Variants in NR3C1 observed in about 807,000 individuals in gnomAD.
The protein encoded by NR3C1 is glucocorticoid receptor.
Under a neutral mutation model 74.0 loss-of-function variants are expected in NR3C1, and 14 were observed. That is an observed-to-expected ratio of 0.19 (90% CI 0.12 to 0.30). The LOEUF (loss-of-function observed/expected upper bound fraction) is 0.30, where lower values mean the gene tolerates loss of function less well. Among genes scored for constraint, NR3C1 ranks in the 10% least tolerant of loss-of-function variants. The pLI is 1.00. For missense variants in NR3C1, 695 were observed against 909.8 expected, an observed-to-expected ratio of 0.76 and a Z score of 3.04; for synonymous variants, 308 against 332.5, an observed-to-expected ratio of 0.93 and a Z score of 0.80.
intron 1 of NR3C1, among the ~76,000 whole-genome samples, chr5:143,420,823 C>T (rs1751192209): frequency 6.6e-6 from 1 of 152,086 alleles, no homozygotes; most frequent in African/African-American, 2.4e-5. Context: ...ACGGTAAAAC[C>T]ATGTTTCTTA....
In NR3C1 at chr5:143,281,055, T is replaced by C. The variant is rs1385246477; in HGVS notation, c.*834A>G. The C allele has an allele frequency of 1.3e-5, 2 of 151,874 alleles. No individual in the cohort carries two copies. The highest frequency in any genetic ancestry group is 2.9e-5 in the Non-Finnish European group (2 of 68,002). 9.4% of individuals were successfully genotyped at this position (151,874 alleles called of 1,614,324 possible). A position where few individuals can be genotyped will look rare whatever the true frequency, so the allele number is the denominator to read the frequency against. On this transcript the variant is annotated 3_prime_UTR_variant, in exon 9 of 9. Transcript: ENST00000394464. The stretch of plus-strand genomic sequence containing the variant: ...ACTGGACTAGGTGCTCTATACCAGT[T>C]AGGACTGTTAATTTGCACAACCTAT...
At chr5:143,373,649 C>T (rs1397848216) in intron 2 of NR3C1, among the ~76,000 whole-genome samples, 1 of 151,432 alleles carries the variant, frequency 6.6e-6, no homozygotes, top group East Asian at 1.9e-4. Context: ...GATTCCACAA[C>T]ATAAAGTTAA....
Position 143,402,523 on chromosome 5 carries a change from A to G in NR3C1, c.-14+688T>C, listed in dbSNP as rs1447350444. ...AACCTCAGGCGCGAATTAACAACAAACGCTAAAGAGCAAGCCCTTGCGGGG... is the reference window on the plus strand; with the variant it reads ...AACCTCAGGCGCGAATTAACAACAAGCGCTAAAGAGCAAGCCCTTGCGGGG... On this transcript the variant is annotated intron_variant, in intron 1 of 8. Coordinates refer to ENST00000394464, the MANE Select transcript of NR3C1 (RefSeq NM_000176.3). The G allele has an allele frequency of 3.3e-6, 3 of 912,146 alleles. No individual in the cohort carries two copies. The African/African-American group carries it at 5.4e-5, about 16-fold the overall frequency. 56.5% of individuals were successfully genotyped at this position (912,146 alleles called of 1,614,324 possible).
Position 143,321,106 on chromosome 5 carries a change from T to C in NR3C1, c.1185-6938A>G, listed in dbSNP as rs145455980. Among the ~76,000 whole-genome samples the C allele has an allele frequency of 1.8e-3, 273 of 152,286 alleles. 5 individuals are homozygous for C. The highest frequency in any genetic ancestry group is 7.7e-4 in the East Asian group (4 of 5,190). On this transcript the variant is annotated intron_variant, in intron 2 of 8. Transcript: ENST00000394464. ...CACACATAAGAGCATACAAGGATAA[T>C]AGATGGTTCATAATTCAGAATTAGG... is the stretch of plus-strand genomic sequence containing the variant.
intron 1 of NR3C1, among the ~76,000 whole-genome samples, chr5:143,423,007 C>T (rs550738976): frequency 1.6e-4 from 25 of 152,222 alleles, no homozygotes; most frequent in Non-Finnish European, 2.9e-4. Context: ...TGCAGGCCTT[C>T]GATTTAGGTT....
At position 143,416,121 on chromosome 5, in the gene NR3C1, C is replaced by T. The variant is rs116760049; in HGVS notation, c.-13-15269G>A. Among the ~76,000 whole-genome samples, 1,195 of 152,288 alleles carry T rather than the reference C, an allele frequency of 7.8e-3. 12 individuals are homozygous for T. Among genetic ancestry groups the T allele is most frequent in the African/African-American group, 0.027 (1,135 of 41,548 alleles). ...ATCCTACCAGGGACCCTGATCTGCC[C>T]TGTTGTGGCCACATGGTAGATAGGT... On this transcript the variant is annotated intron_variant, in intron 1 of 8. Transcript: ENST00000343796.
intron 7 of NR3C1, among the ~76,000 whole-genome samples, chr5:143,290,240 T>C (rs1815539131): frequency 6.6e-6 from 1 of 152,254 alleles, no homozygotes; most frequent in Non-Finnish European, 1.5e-5. Context: ...CTTTGGCCTA[T>C]GGGCCAAATC....
intron 2 of NR3C1, among the ~76,000 whole-genome samples, chr5:143,326,617 T>C (rs975440262): frequency 1.3e-5 from 2 of 152,316 alleles, no homozygotes; most frequent in South Asian, 2.1e-4. Flanking sequence ...AGTACATTGT[T>C]ATATGTCTGA....
intron 1 of NR3C1, among the ~76,000 whole-genome samples, chr5:143,422,717 C>A (rs888764914): frequency 6.6e-6 from 1 of 152,182 alleles, no homozygotes; most frequent in African/African-American, 2.4e-5. Context: ...CATGGACTTC[C>A]CAGTCACTAG....
rs185436990 is a variant in NR3C1, at chr5:143,386,895, T to C, written c.1184+12761A>G. ...AGTTCATGTGGCTACCCACCATCTA[T>C]CATCGTGCATATGGGCTGTGGTACA... On this transcript the variant is annotated intron_variant, in intron 2 of 8. Transcript: ENST00000394464. Among the ~76,000 whole-genome samples, 136 of 152,344 alleles carry C rather than the reference T, an allele frequency of 8.9e-4. No homozygotes were observed. In the Middle Eastern group the frequency reaches 0.014, roughly 15 times the overall value.
chr5:143,334,042 T>C (rs1242219544), intron 2 of NR3C1, among the ~76,000 whole-genome samples: 1 of 152,188 alleles, frequency 6.6e-6, no homozygotes, highest in African/African-American at 2.4e-5. Flanking sequence ...CAGAGAAGAT[T>C]ATTTCCTGCT....
intron 1 of NR3C1, among the ~76,000 whole-genome samples, chr5:143,432,058 G>C (rs1751858588): frequency 6.6e-6 from 1 of 152,150 alleles, no homozygotes; most frequent in South Asian, 2.1e-4. Context: ...CGACTATCAG[G>C]GTTGGTGGTA....
intron 2 of NR3C1, among the ~76,000 whole-genome samples, chr5:143,315,128 A>G (rs1460095991): frequency 6.6e-6 from 1 of 152,252 alleles, no homozygotes; most frequent in Non-Finnish European, 1.5e-5. Flanking sequence ...ATATTCACCA[A>G]GTCTTAACAT....
At chr5:143,284,790 C>G (rs576832559) in intron 7 of NR3C1, among the ~76,000 whole-genome samples, 1 of 152,050 alleles carries the variant, frequency 6.6e-6, no homozygotes, top group East Asian at 1.9e-4. Context: ...GAAACAAATA[C>G]GGTAAGCCAT....
At chr5:143,345,967 A>C (rs1363465114) in intron 2 of NR3C1, among the ~76,000 whole-genome samples, 2 of 152,188 alleles carry the variant, frequency 1.3e-5, no homozygotes, top group Non-Finnish European at 2.9e-5. Context: ...CCAAGAACCT[A>C]CTGATGATGT....
At chr5:143,393,269 A>C (rs935992597) in intron 2 of NR3C1, among the ~76,000 whole-genome samples, 41 of 152,328 alleles carry the variant, frequency 2.7e-4, no homozygotes, top group African/African-American at 9.6e-4. Flanking sequence ...ATGTCAAAGA[A>C]CCAACTTTGT....
chr5:143,313,859 G>A (rs1321635049), intron 3 of NR3C1, 143 bp downstream of exon 3: 2 of 741,434 alleles, frequency 2.7e-6, no homozygotes, highest in East Asian at 2.7e-5. Flanking sequence ...CTGCCCATTA[G>A]AGGACCTAGG....
intron 2 of NR3C1, among the ~76,000 whole-genome samples, chr5:143,378,076 CCT>C (rs10482630): frequency 0.13 from 19,656 of 151,944 alleles, 1,460 homozygotes; most frequent in Middle Eastern, 0.3. Flanking sequence ...AGAGCACTAC[CCT>C]GTCTCTACAA....
At chr5:143,304,570 T>A (rs1271755050) in intron 4 of NR3C1, among the ~76,000 whole-genome samples, 1 of 152,124 alleles carries the variant, frequency 6.6e-6, no homozygotes, top group Non-Finnish European at 1.5e-5. Context: ...CTAAAATTCC[T>A]ATGGAACCAA....
Sources: gnomAD v4.1 joint callset for allele counts (sites outside exome capture counted in the v4.1 genomes callset) on GRCh38, gnomAD v4.1.1 for gene constraint, MANE v1.5 for transcripts, NCBI Gene and HGNC (gene_info 2026-07-23, HGNC 2026-07-21) for gene names.